PPM1B: variants seen among roughly 807,000 people sequenced by gnomAD.
The protein encoded by PPM1B is protein phosphatase, Mg2+/Mn2+ dependent 1B, also known as protein phosphatase 1B.
PPM1B carries 22 observed loss-of-function variants against 43.0 expected under a neutral mutation model. That is an observed-to-expected ratio of 0.51 (90% CI 0.37 to 0.73). The LOEUF is 0.73. PPM1B is among the 30% of genes least tolerant of loss of function. PPM1B has a pLI of 0.00. For missense variants in PPM1B, 632 were observed against 584.2 expected (o/e 1.08, Z -0.84); for synonymous variants, 217 against 197.9 (o/e 1.10, Z -0.81).
chr2:44,179,328 A>G (rs1180250475), intron 1 of PPM1B, among the ~76,000 whole-genome samples: 1 of 152,156 alleles, frequency 6.6e-6, no homozygotes, highest in Non-Finnish European at 1.5e-5. Flanking sequence ...GTACTAATAA[A>G]TTAAATATTT....
At chr2:44,184,652 A>G (rs377575436) in intron 1 of PPM1B, among the ~76,000 whole-genome samples, 14 of 152,104 alleles carry the variant, frequency 9.2e-5, no homozygotes, top group African/African-American at 3.4e-4. Context: ...TTCAAAACTG[A>G]CTACTTGATA....
At chr2:44,229,843 G>T in intron 5 of PPM1B, 1 of 758,872 alleles carries the variant, frequency 1.3e-6, no homozygotes, top group Non-Finnish European at 2.0e-6. Flanking sequence ...TATTCATACT[G>T]AGAATACTTA....
At chr2:44,241,003 TTTA>T (rs1336637401) in intron 5 of PPM1B, among the ~76,000 whole-genome samples, 1 of 117,928 alleles carries the variant, frequency 8.5e-6, no homozygotes, top group Non-Finnish European at 1.7e-5. Context: ...CATCTTTATT[TTTA>T]TTTTTTTTTT....
intron 1 of PPM1B, among the ~76,000 whole-genome samples, chr2:44,199,360 G>A (rs932665802): frequency 8.0e-5 from 12 of 149,794 alleles, no homozygotes; most frequent in South Asian, 2.1e-4. Flanking sequence ...ATGGTGGCAC[G>A]TGCCTGTAGT....
At chr2:44,196,901 T>G (rs1270157201) in intron 1 of PPM1B, among the ~76,000 whole-genome samples, 1 of 152,206 alleles carries the variant, frequency 6.6e-6, no homozygotes. Context: ...CTAAGCCACC[T>G]TAGCATGTTT....
chr2:44,194,612 A>G (rs530058819), intron 1 of PPM1B, among the ~76,000 whole-genome samples: 1 of 152,154 alleles, frequency 6.6e-6, no homozygotes, highest in South Asian at 2.1e-4. Context: ...AGTCCCAGCT[A>G]CTTGGGAGGC....
chr2:44,194,558 C>A (rs960518279), intron 1 of PPM1B, among the ~76,000 whole-genome samples: 3 of 152,038 alleles, frequency 2.0e-5, no homozygotes, highest in Non-Finnish European at 4.4e-5. Flanking sequence ...CCCGTCTCTA[C>A]TAAAAATAGA....
At chr2:44,215,384 G>A (rs1333335616) in intron 3 of PPM1B, among the ~76,000 whole-genome samples, 1 of 152,148 alleles carries the variant, frequency 6.6e-6, no homozygotes, top group East Asian at 1.9e-4. Flanking sequence ...CTTGAGTCCA[G>A]GAGTTTGGTG....
In PPM1B at chr2:44,201,639, T is replaced by G. The variant is rs757932702; in HGVS notation, c.440T>G (p.Ile147Ser). 3.1e-6 allele frequency: 5 copies of G among 1,614,074 alleles called. No individual in the cohort carries two copies. Among genetic ancestry groups the G allele is most frequent in the Non-Finnish European group, 4.2e-6 (5 of 1,180,036 alleles). Residue 147 changes from isoleucine to serine, a missense_variant, in exon 2 of 6, where the codon ATC becomes AGC. Transcript: ENST00000282412. This position sits in a 1 kb window ranked among gnomAD's most constrained non-coding sequence, Gnocchi z 5.4. ...ATTTCACCTAAGCATATCTACTTTA[T>G]CAACTGTGGTGATTCACGTGCTGTT... ...VMISPKHIYF[I>S]NCGDSRAVLY...
intron 1 of PPM1B, among the ~76,000 whole-genome samples, chr2:44,178,731 A>G (rs1163716219): frequency 2.6e-5 from 4 of 152,042 alleles, no homozygotes; most frequent in Admixed American, 1.3e-4. Flanking sequence ...TGGCCTCCCA[A>G]AGTGCTGGGA....
chr2:44,192,782 G>C (rs1257430147), intron 1 of PPM1B, among the ~76,000 whole-genome samples: 1 of 152,080 alleles, frequency 6.6e-6, no homozygotes, highest in Non-Finnish European at 1.5e-5. Flanking sequence ...GAGTTTGATT[G>C]TTTTAGATGT....
At chr2:44,229,929 A>G (rs1670394571) in intron 5 of PPM1B, 2 of 1,389,728 alleles carry the variant, frequency 1.4e-6, no homozygotes, top group Non-Finnish European at 1.9e-6. Flanking sequence ...TAAAAACTCT[A>G]AAATCTTTCA....
intron 1 of PPM1B, among the ~76,000 whole-genome samples, chr2:44,178,474 A>ATATATATATAT (rs1445760590): frequency 7.4e-6 from 1 of 135,336 alleles, no homozygotes; most frequent in African/African-American, 2.8e-5. Flanking sequence ...ATATATATAT[A>ATATATATATAT]TTTTTTTTTT....
chr2:44,217,073 G>T (rs1162427949), intron 3 of PPM1B, among the ~76,000 whole-genome samples: 1 of 151,474 alleles, frequency 6.6e-6, no homozygotes, highest in Non-Finnish European at 1.5e-5. Context: ...TCAACGTAAG[G>T]GTCTTGTGAG....
chr2:44,182,112 C>T (rs181669992), intron 1 of PPM1B, among the ~76,000 whole-genome samples: 15 of 152,238 alleles, frequency 9.9e-5, no homozygotes, highest in Non-Finnish European at 1.9e-4. Context: ...TTCTACCACA[C>T]AGGACATCAG....
downstream of PPM1B, among the ~76,000 whole-genome samples, chr2:44,244,744 CTT>C (rs1046163117): frequency 2.7e-5 from 4 of 149,152 alleles, no homozygotes; most frequent in Admixed American, 6.7e-5. Flanking sequence ...CTGAATAACT[CTT>C]ATATATTAGA....
At chr2:44,197,135 G>A (rs909549434) in intron 1 of PPM1B, among the ~76,000 whole-genome samples, 1 of 151,690 alleles carries the variant, frequency 6.6e-6, no homozygotes, top group African/African-American at 2.4e-5. Context: ...TTTTTTTTGA[G>A]ACAGGGTCTT....
chr2:44,194,628 C>T (rs1668570360), intron 1 of PPM1B, among the ~76,000 whole-genome samples: 1 of 151,974 alleles, frequency 6.6e-6, no homozygotes, highest in Non-Finnish European at 1.5e-5. Context: ...GAGGCTGAGG[C>T]AGGAGAATGG....
intron 5 of PPM1B, among the ~76,000 whole-genome samples, chr2:44,240,688 A>G (rs1445489305): frequency 2.7e-5 from 4 of 145,820 alleles, no homozygotes; most frequent in African/African-American, 4.9e-5. Context: ...TGAAAAGACA[A>G]TTTTCCTGAT....
Sources: gnomAD v4.1 joint callset for allele counts (sites outside exome capture counted in the v4.1 genomes callset) on GRCh38, gnomAD v4.1.1 for gene constraint, Gnocchi (gnomAD v3.1) non-coding constraint, MANE v1.5 for transcripts, NCBI Gene and HGNC (gene_info 2026-07-23, HGNC 2026-07-21) for gene names.